Variants in PCDH15 observed in about 807,000 individuals in gnomAD.
PCDH15 encodes protocadherin related 15, also known as protocadherin-15.
In PCDH15, 129 loss-of-function variants were observed where a neutral mutation model predicts 178.5. The observed-to-expected ratio is 0.72, with a 90% CI of 0.63 to 0.84. PCDH15 has a LOEUF of 0.84. Ranked by LOEUF, PCDH15 falls within the 40% of genes least tolerant of loss-of-function variation. PCDH15 has a pLI of 0.00. For synonymous variants in PCDH15, 800 were observed against 732.0 expected, an observed-to-expected ratio of 1.09 and a Z score of -1.50; for missense variants, 2,230 against 2,099.9, an observed-to-expected ratio of 1.06 and a Z score of -1.21.
chr10:54,160,050 G>A (rs2045554150), intron 13 of PCDH15, among the ~76,000 whole-genome samples: 1 of 152,048 alleles, frequency 6.6e-6, no homozygotes, highest in African/African-American at 2.4e-5. Context: ...CTACTCCTGT[G>A]CTTTGGGACC....
chr10:54,830,661 A>C lies in PCDH15; in HGVS notation c.-29+66789T>G, dbSNP rs536761621. Among the ~76,000 whole-genome samples, 40 of 151,866 alleles carry C rather than the reference A, an allele frequency of 2.6e-4. 1 individual carries two copies. In the South Asian group the frequency reaches 6.7e-3, roughly 25 times the overall value. ...ATGACGAGTTAATGGGTGCAGCACA[A>C]CAACATGGCACATGTATACATATGT... is the stretch of plus-strand genomic sequence containing the variant. On this transcript the variant is annotated intron_variant, in intron 3 of 5. Coordinates refer to the PCDH15 transcript ENST00000458638.
In PCDH15 at chr10:53,866,779, C is replaced by T; in HGVS notation, c.3580G>A (p.Gly1194Arg). The T allele has an allele frequency of 6.2e-7, 1 of 1,613,384 alleles. No individual in the cohort carries two copies. The highest frequency in any genetic ancestry group is 1.1e-5 in the South Asian group (1 of 91,062). ...IIPPIKEGKE[G>R]FVVETYTGLI... The stretch of plus-strand genomic sequence containing the variant: ...CCTGTATATGTTTCCACTACAAATC[C>T]TTCTTTTCCCTCTTTAATTGGTGGT... The change falls in exon 27 of 38, where the codon GGA (glycine) becomes AGA (arginine). Residue 1194 changes from glycine (G) to arginine (R), a missense_variant. By Grantham distance (125) the Gly-to-Arg change is moderately radical. Coordinates refer to ENST00000644397, the MANE Select transcript of PCDH15 (RefSeq NM_001384140.1).
chr10:54,328,527 A>G (rs1013610156), intron 7 of PCDH15, among the ~76,000 whole-genome samples: 2 of 152,056 alleles, frequency 1.3e-5, no homozygotes, highest in African/African-American at 4.8e-5. Context: ...TCCCTTTGAC[A>G]CATATGGACT....
chr10:54,996,337 T>C (rs959206310), intron 2 of PCDH15, among the ~76,000 whole-genome samples: 2 of 152,190 alleles, frequency 1.3e-5, no homozygotes, highest in African/African-American at 4.8e-5. Flanking sequence ...GGATATGCCG[T>C]CCTCAATTTG....
chr10:54,766,265 TGAGA>T lies in PCDH15; in HGVS notation c.-29+34656_-29+34659del, dbSNP rs1337431241. 2.0e-5 allele frequency among the ~76,000 whole-genome samples: 3 copies of T among 152,116 alleles called. No homozygotes were observed. The East Asian group carries it at 5.8e-4, about 29-fold the overall frequency. ...AGCAGAGGAGAAATGATGAAAACAA[TGAGA>T]GAAAGAGATAAATTAGTGAAATAAA... On this transcript the variant is annotated intron_variant, in intron 1 of 37. Coordinates refer to ENST00000644397, the MANE Select transcript of PCDH15 (RefSeq NM_001384140.1).
chr10:55,157,131 AT>A lies in PCDH15; in HGVS notation c.-80+9444del, dbSNP rs1308654848. Among the ~76,000 whole-genome samples, 9 of 152,248 alleles carry A rather than the reference AT, an allele frequency of 5.9e-5. 1 individual carries two copies. In the East Asian group the frequency reaches 1.7e-3, roughly 29 times the overall value. On this transcript the variant is annotated intron_variant, in intron 2 of 5. Coordinates refer to the PCDH15 transcript ENST00000458638. ...GAAGGCAGTCATTCTATCTATATCT[AT>A]CTATCTATCTATATAAAATCATTAA...
intron 9 of PCDH15, among the ~76,000 whole-genome samples, chr10:54,224,100 G>T (rs1236015017): frequency 6.6e-6 from 1 of 152,096 alleles, no homozygotes; most frequent in Non-Finnish European, 1.5e-5. Context: ...TTAGTAAGCT[G>T]ATTAACACAG....
At chr10:55,381,789 A>G (rs1389304726) in intron 2 of PCDH15, among the ~76,000 whole-genome samples, 1 of 152,164 alleles carries the variant, frequency 6.6e-6, no homozygotes, top group African/African-American at 2.4e-5. Flanking sequence ...AAGAAAAAGA[A>G]AGGAAAACAA....
At chr10:53,937,473 A>G (rs1032930657) in intron 25 of PCDH15, among the ~76,000 whole-genome samples, 4 of 152,212 alleles carry the variant, frequency 2.6e-5, no homozygotes, top group Non-Finnish European at 5.9e-5. Context: ...TTAAAAACAT[A>G]ATTGCCTGTA....
intron 2 of PCDH15, among the ~76,000 whole-genome samples, chr10:55,016,333 G>A (rs1483366881): frequency 2.0e-5 from 3 of 152,048 alleles, no homozygotes; most frequent in Admixed American, 2.0e-4. Flanking sequence ...TTTGTGCTAT[G>A]AAATAATAGA....
intron 13 of PCDH15, among the ~76,000 whole-genome samples, chr10:54,159,921 T>C (rs1198880112): frequency 1.3e-5 from 2 of 152,226 alleles, no homozygotes; most frequent in African/African-American, 4.8e-5. Flanking sequence ...CATTCTTACA[T>C]AGATATGAGC....
At chr10:53,835,436 G>A (rs1340696986) in intron 29 of PCDH15, among the ~76,000 whole-genome samples, 1 of 152,048 alleles carries the variant, frequency 6.6e-6, no homozygotes, top group African/African-American at 2.4e-5. Flanking sequence ...AGCCACAAGA[G>A]AATATGGCTA....
intron 14 of PCDH15, among the ~76,000 whole-genome samples, chr10:54,142,322 C>T (rs970232652): frequency 6.6e-6 from 1 of 152,112 alleles, no homozygotes; most frequent in Non-Finnish European, 1.5e-5. Flanking sequence ...GAAGAAAGCA[C>T]TGACTTCTGT....
chr10:54,495,583 T>C (rs2080035596), intron 3 of PCDH15, among the ~76,000 whole-genome samples: 1 of 152,266 alleles, frequency 6.6e-6, no homozygotes, highest in Non-Finnish European at 1.5e-5. Context: ...CTTGATAATC[T>C]CTGGTCCTTC....
intron 2 of PCDH15, among the ~76,000 whole-genome samples, chr10:55,148,215 A>G (rs1436449864): frequency 6.6e-6 from 1 of 151,800 alleles, no homozygotes; most frequent in Admixed American, 6.6e-5. Flanking sequence ...TTCTTACTAC[A>G]TGTTAGGAAA....
chr10:54,329,482 G>A, intron 7 of PCDH15, 114 bp downstream of exon 7: 2 of 754,558 alleles, frequency 2.7e-6, no homozygotes, highest in Non-Finnish European at 4.7e-6. Context: ...GGGCAGGAGT[G>A]CCCTGATGAA....
intron 3 of PCDH15, among the ~76,000 whole-genome samples, chr10:54,458,050 G>C (rs1008111937): frequency 6.6e-6 from 1 of 152,144 alleles, no homozygotes; most frequent in African/African-American, 2.4e-5. Context: ...TTTTACAATA[G>C]GGTGTGTATT....
chr10:54,682,965 A>G (rs918838477), intron 1 of PCDH15, among the ~76,000 whole-genome samples: 14 of 152,100 alleles, frequency 9.2e-5, no homozygotes, highest in Non-Finnish European at 1.8e-4. Context: ...TGCTCAGGGA[A>G]AAGCCCAAAC....
chr10:54,864,129 T>C (rs1340472701), intron 3 of PCDH15, among the ~76,000 whole-genome samples: 1 of 152,160 alleles, frequency 6.6e-6, no homozygotes, highest in African/African-American at 2.4e-5. Context: ...TGGCCATATA[T>C]AAATGGCTTA....
Sources: allele counts gnomAD v4.1 joint callset (sites outside exome capture counted in the v4.1 genomes callset), GRCh38; gene constraint gnomAD v4.1.1; transcripts MANE v1.5; gene names NCBI Gene and HGNC (gene_info 2026-07-23, HGNC 2026-07-21).